LIG1: variants seen among roughly 807,000 people sequenced by gnomAD.
The protein encoded by LIG1 is ligase I, DNA, ATP-dependent.
LIG1 carries 70 observed loss-of-function variants against 115.7 expected under a neutral mutation model. That is an observed-to-expected ratio of 0.60 (90% confidence interval 0.50 to 0.74). The LOEUF (loss-of-function observed/expected upper bound fraction) is 0.74, where lower values mean the gene tolerates loss of function less well. LIG1 is among the 30% of genes least tolerant of loss of function. The probability of loss-of-function intolerance (pLI) is 0.00; values close to 1 mark genes in which losing one functional copy is unlikely to be tolerated. For missense variants in LIG1, 1,115 were observed against 1,225.6 expected (o/e 0.91, Z 1.35); for synonymous variants, 487 against 495.3 (o/e 0.98, Z 0.22).
intron 18 of LIG1, among the ~76,000 whole-genome samples, chr19:48,132,643 T>C (rs952009049): frequency 5.3e-5 from 8 of 151,422 alleles, no homozygotes; most frequent in African/African-American, 1.9e-4. Context: ...TACAAAAAAT[T>C]AGCCGGGCAC....
intron 6 of LIG1, among the ~76,000 whole-genome samples, chr19:48,153,501 C>T (rs1050398370): frequency 2.6e-5 from 4 of 152,116 alleles, no homozygotes; most frequent in South Asian, 4.1e-4. Flanking sequence ...GATGTCCAAA[C>T]AAATATATCC....
In LIG1 at chr19:48,165,606, T is replaced by G; in HGVS notation, c.-40A>C. The G allele has an allele frequency of 6.2e-7, 1 of 1,614,018 alleles. No individual in the cohort carries two copies. The highest frequency in any genetic ancestry group is 8.5e-7 in the Non-Finnish European group (1 of 1,179,940). On this transcript the variant is annotated 5_prime_UTR_variant, in exon 2 of 28. Coordinates refer to ENST00000263274, the MANE Select transcript of LIG1 (RefSeq NM_000234.3). ...TCTCCCTTCCTGTCCAGCACTTTTC[T>G]TCGTCTGTCAGCTGCTCCTGGAACA...
Position 48,134,036 on chromosome 19 carries a change from G to C in LIG1, c.1554C>G (p.Pro518=), listed in dbSNP as rs1026043030. Residue 518 remains proline, a synonymous_variant, in exon 17 of 28, where the codon CCC becomes CCG. Transcript: ENST00000263274. Reference sequence around the variant, plus strand: ...GTTCCAGGCCGTGCTCCAGCAGCACGGGGATAATTCGGTCCAGGTCGGGAA... The same window carrying C: ...GTTCCAGGCCGTGCTCCAGCAGCACCGGGATAATTCGGTCCAGGTCGGGAA... ...CEVPDLDRII[P]VLLEHGLERL... The C allele has an allele frequency of 2.6e-6, 4 of 1,557,654 alleles. No homozygotes were observed. The highest frequency in any genetic ancestry group is 3.5e-6 in the Non-Finnish European group (4 of 1,150,216).
intron 9 of LIG1, among the ~76,000 whole-genome samples, chr19:48,144,677 T>C (rs1014097935): frequency 7.9e-5 from 12 of 152,132 alleles, no homozygotes; most frequent in Non-Finnish European, 1.2e-4. Context: ...GATTTTTTTG[T>C]ATTTTCAGAA....
chr19:48,137,640 A>G lies in LIG1; in HGVS notation c.1136T>C (p.Val379Ala), dbSNP rs1216773994. The change falls in exon 13 of 28, where the codon GTG becomes GCG. Residue 379 changes from valine (V) to alanine (A), a missense_variant. Coordinates refer to ENST00000263274, the MANE Select transcript of LIG1 (RefSeq NM_000234.3). This position sits in a 1 kb window ranked among gnomAD's most constrained non-coding sequence, Gnocchi z 4.3. ...VRAEAAEKGD[V>A]GLVAENSRST... ...GCGGCTGTTCTCGGCCACCAGCCCC[A>G]CGTCGCCTTTCTCGGCTGCCTCAGC... is the stretch of plus-strand genomic sequence containing the variant. The G allele has an allele frequency of 6.2e-7, 1 of 1,610,018 alleles. No homozygotes were observed. Among genetic ancestry groups the G allele is most frequent in the East Asian group, 2.2e-5 (1 of 44,868 alleles).
intron 17 of LIG1, chr19:48,133,316 C>A: frequency 1.7e-6 from 1 of 576,964 alleles, no homozygotes; most frequent in Non-Finnish European, 3.1e-6. Context: ...GGAACCCACG[C>A]AGCATGTGCA....
Position 48,133,986 on chromosome 19 carries a change from C to T in LIG1, c.1604G>A (p.Ser535Asn), listed in dbSNP as rs770850094. 21 of 1,553,542 alleles carry T rather than the reference C, an allele frequency of 1.4e-5. No homozygotes were observed. In the South Asian group the frequency reaches 2.1e-4, roughly 16 times the overall value. ...AGCGCCCCTGGGGCCTGTACCTGGG[C>T]TCAGCTTGCAGTGCTCCGGGAGACG... Reference protein sequence around the residue: ...LERLPEHCKLSPGIPLKPMLA... With the variant: ...LERLPEHCKLNPGIPLKPMLA... Residue 535 changes from serine to asparagine, a missense_variant, in exon 17 of 28, where the codon AGC becomes AAC. Coordinates refer to ENST00000263274, the MANE Select transcript of LIG1 (RefSeq NM_000234.3).
intron 9 of LIG1, chr19:48,147,334 AAACACAATCT>A (rs1360291622): frequency 6.6e-6 from 1 of 152,198 alleles, no homozygotes; most frequent in Admixed American, 6.5e-5. Flanking sequence ...TTGTATTTGA[AAACACAATCT>A]TTAGAGGAAA....
At chr19:48,127,770 G>C (rs573324161) in intron 20 of LIG1, 140 bp downstream of exon 20, 1 of 800,872 alleles carries the variant, frequency 1.2e-6, no homozygotes, top group East Asian at 2.4e-5. Flanking sequence ...AGCTGTGGCA[G>C]CCATTCTGCA....
Position 48,129,391 on chromosome 19 carries a change from G to C in LIG1, c.1822-1371C>G, listed in dbSNP as rs144113589. ...GCTCACAGAATGCTGGTCCTTTCCT[G>C]TGGAGCCCGGATCTCCACATATAAT... is the stretch of plus-strand genomic sequence containing the variant. On this transcript the variant is annotated intron_variant, in intron 19 of 27. Coordinates refer to ENST00000263274, the MANE Select transcript of LIG1 (RefSeq NM_000234.3). Among the ~76,000 whole-genome samples, 548 of 152,228 alleles carry C rather than the reference G, an allele frequency of 3.6e-3. 6 individuals are homozygous for C. Among genetic ancestry groups the C allele is most frequent in the Admixed American group, 0.021 (316 of 15,262 alleles).
intron 5 of LIG1, among the ~76,000 whole-genome samples, chr19:48,156,434 G>A (rs3730872): frequency 0.15 from 23,260 of 152,154 alleles, 2,239 homozygotes; most frequent in African/African-American, 0.28. Flanking sequence ...TCTGAGCAGC[G>A]TACACGTGTT....
At chr19:48,133,261 C>A in intron 17 of LIG1, 164 bp from the exon 18 acceptor site, 2 of 628,734 alleles carry the variant, frequency 3.2e-6, no homozygotes, top group Non-Finnish European at 5.7e-6. Flanking sequence ...CCACTGGGGA[C>A]TACAGCCCCC....
rs1460926265 is a variant in LIG1, at chr19:48,133,110, G to A, written c.1610-13C>T. The A allele has an allele frequency of 6.4e-7, 1 of 1,553,118 alleles. No homozygotes were observed. Among genetic ancestry groups the A allele is most frequent in the Non-Finnish European group, 8.9e-7 (1 of 1,124,398 alleles). ...TTCAGGGGAATCCCTGGGAAAGGAGGAGAGTGAGTTAGAGGAGAGGGAAGG... is the reference window on the plus strand; with the variant it reads ...TTCAGGGGAATCCCTGGGAAAGGAGAAGAGTGAGTTAGAGGAGAGGGAAGG... On this transcript the variant is annotated splice_polypyrimidine_tract_variant and intron_variant, in intron 17 of 27. Coordinates refer to ENST00000263274, the MANE Select transcript of LIG1 (RefSeq NM_000234.3).
At chr19:48,129,594 G>T (rs1235660770) in intron 19 of LIG1, among the ~76,000 whole-genome samples, 1 of 152,154 alleles carries the variant, frequency 6.6e-6, no homozygotes, top group Non-Finnish European at 1.5e-5. Context: ...GCAGCCAGAT[G>T]CAAGAGACTA....
At chr19:48,146,793 C>T (rs2035143790) in intron 9 of LIG1, among the ~76,000 whole-genome samples, 1 of 152,202 alleles carries the variant, frequency 6.6e-6, no homozygotes, top group Non-Finnish European at 1.5e-5. Flanking sequence ...AACACGGACA[C>T]ACACTCAGGA....
In LIG1 at chr19:48,136,105, C is replaced by A; in HGVS notation, c.1352G>T (p.Arg451Leu). ...FIARSLSGRL[R>L]LGLAEQSVLA... Reference sequence around the variant, plus strand: ...CACCGACTGCTCTGCCAGCCCAAGGCGCAGCCGTCCGCTCAGGGACCTGGG... The same window carrying A: ...CACCGACTGCTCTGCCAGCCCAAGGAGCAGCCGTCCGCTCAGGGACCTGGG... Residue 451 changes from arginine to leucine, a missense_variant, in exon 15 of 28, where the codon CGC becomes CTC. Physicochemically the swap from Arg to Leu is moderately radical, Grantham distance 102. Coordinates refer to ENST00000263274, the MANE Select transcript of LIG1 (RefSeq NM_000234.3). 1.9e-6 allele frequency: 3 copies of A among 1,569,700 alleles called. No homozygotes were observed. The highest frequency in any genetic ancestry group is 1.7e-6 in the Non-Finnish European group (2 of 1,157,668).
Position 48,151,992 on chromosome 19 carries a change from A to G in LIG1, c.467-653T>C, listed in dbSNP as rs1444596043. On this transcript the variant is annotated intron_variant, in intron 6 of 27. Coordinates refer to ENST00000263274, the MANE Select transcript of LIG1 (RefSeq NM_000234.3). Reference sequence around the variant, plus strand: ...TCTTACCTCTAGGGTCACAATACAAACTACAAAAACCAACTTGGGAAAAAT... The same window carrying G: ...TCTTACCTCTAGGGTCACAATACAAGCTACAAAAACCAACTTGGGAAAAAT... Among the ~76,000 whole-genome samples the G allele has an allele frequency of 3.3e-5, 5 of 152,274 alleles. No homozygotes were observed. In the East Asian group the frequency reaches 7.7e-4, roughly 23 times the overall value.
chr19:48,127,300 C>A lies in LIG1; in HGVS notation c.1981G>T (p.Asp661Tyr). The A allele has an allele frequency of 6.2e-7, 1 of 1,613,900 alleles. No individual in the cohort carries two copies. Among genetic ancestry groups the A allele is most frequent in the Non-Finnish European group, 8.5e-7 (1 of 1,180,012 alleles). Residue 661 changes from aspartate to tyrosine, a missense_variant, in exon 21 of 28, where the codon GAC becomes TAC. Physicochemically the swap from Asp to Tyr is radical, Grantham distance 160 (BLOSUM62 -3). Coordinates refer to ENST00000263274, the MANE Select transcript of LIG1 (RefSeq NM_000234.3). ...IQVQVCLYAF[D>Y]LIYLNGESLV... The stretch of plus-strand genomic sequence containing the variant: ...ACCTCTCCATTGAGGTAGATGAGGT[C>A]GAAGGCGTACAAACACACCTGCACC...
At position 48,127,283 on chromosome 19, in the gene LIG1, A is replaced by T. The variant is rs2033731044; in HGVS notation, c.1998T>A (p.Asn666Lys). Residue 666 changes from asparagine (N) to lysine (K), a missense_variant, in exon 21 of 28, where the codon AAT becomes AAA. Transcript: ENST00000263274. Reference sequence around the variant, plus strand: ...ACAGGAAGCTGGAACTCACCTCTCCATTGAGGTAGATGAGGTCGAAGGCGT... The same window carrying T: ...ACAGGAAGCTGGAACTCACCTCTCCTTTGAGGTAGATGAGGTCGAAGGCGT... ...CLYAFDLIYL[N>K]GESLVREPLS... 3 of 1,613,196 alleles carry T rather than the reference A, an allele frequency of 1.9e-6. No individual in the cohort carries two copies. The highest frequency in any genetic ancestry group is 1.3e-5 in the African/African-American group (1 of 75,014).
Sources: allele counts gnomAD v4.1 joint callset (sites outside exome capture counted in the v4.1 genomes callset), GRCh38; gene constraint gnomAD v4.1.1; non-coding constraint Gnocchi (gnomAD v3.1); transcripts MANE v1.5; gene names NCBI Gene and HGNC (gene_info 2026-07-23, HGNC 2026-07-21).